L3MBTL4: variants seen among roughly 807,000 people sequenced by gnomAD.
L3MBTL4 encodes lethal(3)malignant brain tumor-like protein 4.
Under a neutral mutation model 84.5 loss-of-function variants are expected in L3MBTL4, and 70 were observed. The observed-to-expected ratio is 0.83, with a 90% confidence interval of 0.68 to 1.01. The LOEUF is 1.01. L3MBTL4 is among the 50% of genes least tolerant of loss of function. L3MBTL4 has a pLI of 0.00. For missense variants in L3MBTL4, 715 were observed against 754.8 expected (o/e 0.95, Z 0.62); for synonymous variants, 274 against 259.8 (o/e 1.05, Z -0.52).
chr18:5,956,127 G>A lies in L3MBTL4; in HGVS notation c.*93C>T, dbSNP rs1160925120. 26 of 1,029,660 alleles carry A rather than the reference G, an allele frequency of 2.5e-5. No individual in the cohort carries two copies. Among genetic ancestry groups the A allele is most frequent in the Non-Finnish European group, 3.5e-5 (24 of 686,120 alleles). 63.8% of individuals were successfully genotyped at this position (1,029,660 alleles called of 1,614,324 possible). ...AAAAGTCCAGATTCAGTGTGGATAC[G>A]GCCATGGGGACATTCACATCAAATT... On this transcript the variant is annotated 3_prime_UTR_variant, in exon 19 of 19. Transcript: ENST00000317931.
intron 16 of L3MBTL4, among the ~76,000 whole-genome samples, chr18:6,010,892 C>T (rs1349920839): frequency 6.6e-6 from 1 of 152,158 alleles, no homozygotes; most frequent in Non-Finnish European, 1.5e-5. Context: ...TCAAGAAGAA[C>T]ATTTCTTTAA....
intron 17 of L3MBTL4, among the ~76,000 whole-genome samples, chr18:5,969,074 C>T (rs2052499974): frequency 6.6e-6 from 1 of 152,210 alleles, no homozygotes; most frequent in East Asian, 1.9e-4. Context: ...CAAATTAAAT[C>T]TCTGATATGG....
At chr18:6,075,190 T>A (rs1176046920) in intron 16 of L3MBTL4, among the ~76,000 whole-genome samples, 1 of 152,054 alleles carries the variant, frequency 6.6e-6, no homozygotes, top group African/African-American at 2.4e-5. Context: ...AACAAGCTGA[T>A]AAGAAATGTA....
chr18:6,241,257 A>G, intron 8 of L3MBTL4, 101 bp downstream of exon 8: 1 of 729,238 alleles, frequency 1.4e-6, no homozygotes, highest in Non-Finnish European at 2.4e-6. Context: ...AACAGTTTCC[A>G]TAACTTCTTA....
At position 6,400,113 on chromosome 18, in the gene L3MBTL4, G is replaced by A. The variant is rs1024375699; in HGVS notation, c.-91+14688C>T. ...TATAGTGCTATAAAGAAATGTGGTC[G>A]AAAATTTAAAGTTAGGAAGTTCTGC... On this transcript the variant is annotated intron_variant, in intron 1 of 18. Coordinates refer to ENST00000317931, the MANE Select transcript of L3MBTL4 (RefSeq NM_001330559.2). Among the ~76,000 whole-genome samples the A allele has an allele frequency of 3.3e-5, 5 of 152,292 alleles. No homozygotes were observed. In the East Asian group the frequency reaches 5.8e-4, roughly 18 times the overall value.
intron 5 of L3MBTL4, among the ~76,000 whole-genome samples, chr18:6,261,689 T>C (rs769825735): frequency 6.6e-5 from 10 of 152,214 alleles, no homozygotes; most frequent in Non-Finnish European, 1.2e-4. Context: ...GTGTGTTCTT[T>C]TGGTCTTTTT....
chr18:5,958,145 G>GAAGAAGAAGAAGAAGAAC (rs1567912144), intron 18 of L3MBTL4, among the ~76,000 whole-genome samples: 1 of 71,038 alleles, frequency 1.4e-5, no homozygotes. Flanking sequence ...AGAAGAAGAA[G>GAAGAAGAAGAAGAAGAAC]AAGAAGAAGA....
At chr18:6,166,606 G>T (rs1253765961) in intron 13 of L3MBTL4, among the ~76,000 whole-genome samples, 1 of 152,042 alleles carries the variant, frequency 6.6e-6, no homozygotes, top group Non-Finnish European at 1.5e-5. Flanking sequence ...TGAAGGCAGA[G>T]ATAAAGATGT....
At chr18:6,397,139 G>A (rs564087784) in intron 1 of L3MBTL4, 1 of 152,312 alleles carries the variant, frequency 6.6e-6, no homozygotes, top group East Asian at 1.9e-4. Context: ...CGGCCGCACT[G>A]AGCAGACAGA....
intron 12 of L3MBTL4, among the ~76,000 whole-genome samples, chr18:6,175,871 A>C (rs1229441723): frequency 6.6e-6 from 1 of 152,174 alleles, no homozygotes; most frequent in Non-Finnish European, 1.5e-5. Flanking sequence ...AACTTGCAAA[A>C]TAAGTCAACA....
intron 16 of L3MBTL4, among the ~76,000 whole-genome samples, chr18:6,076,206 C>T (rs2057851631): frequency 1.3e-5 from 2 of 152,162 alleles, no homozygotes; most frequent in African/African-American, 2.4e-5. Context: ...CTAGTGGAAA[C>T]AGTGCAAAAC....
intron 4 of L3MBTL4, among the ~76,000 whole-genome samples, chr18:6,301,402 A>T (rs1354668728): frequency 6.6e-6 from 1 of 152,212 alleles, no homozygotes; most frequent in East Asian, 1.9e-4. Context: ...GTTGGTTTAA[A>T]TTTAAAGCAT....
rs1435406788 is a variant in L3MBTL4, at chr18:6,215,777, A to G, written c.843T>C (p.Asn281=). The change falls in exon 11 of 19, where the codon AAT becomes AAC. Residue 281 remains asparagine, a synonymous_variant. Coordinates refer to ENST00000317931, the MANE Select transcript of L3MBTL4 (RefSeq NM_001330559.2). ...WTEYLEATQT[N]AVPAKVFKMR... ...TTTTAAAAACTTTGGCAGGAACTGC[A>G]TTGGTTTGAGTAGCTTCCAGGTATT... 1.9e-6 allele frequency: 3 copies of G among 1,607,524 alleles called. No homozygotes were observed. The highest frequency in any genetic ancestry group is 4.5e-5 in the East Asian group (2 of 44,694).
intron 3 of L3MBTL4, among the ~76,000 whole-genome samples, chr18:6,303,003 G>C (rs567682390): frequency 6.6e-5 from 10 of 151,162 alleles, no homozygotes; most frequent in African/African-American, 2.2e-4. Flanking sequence ...AAAAAAAATT[G>C]TAATAATTAT....
chr18:6,384,187 T>C (rs765910391), intron 1 of L3MBTL4, among the ~76,000 whole-genome samples: 6 of 152,168 alleles, frequency 3.9e-5, no homozygotes, highest in Non-Finnish European at 8.8e-5. Context: ...CTTACCTGAG[T>C]AGGCAGAGGC....
intron 1 of L3MBTL4, among the ~76,000 whole-genome samples, chr18:6,340,536 G>A (rs1419035484): frequency 6.6e-6 from 1 of 152,124 alleles, no homozygotes; most frequent in Non-Finnish European, 1.5e-5. Context: ...ATATTGAGGG[G>A]ATGAGTACAA....
intron 14 of L3MBTL4, among the ~76,000 whole-genome samples, chr18:6,134,883 T>C (rs909677430): frequency 6.6e-6 from 1 of 152,178 alleles, no homozygotes; most frequent in Non-Finnish European, 1.5e-5. Context: ...ACAGCTCCAC[T>C]AGGCAGTGCC....
intron 13 of L3MBTL4, among the ~76,000 whole-genome samples, chr18:6,145,187 A>C (rs1276848601): frequency 1.3e-5 from 2 of 152,246 alleles, no homozygotes; most frequent in African/African-American, 4.8e-5. Context: ...TCGAGAAATA[A>C]AAGAGATTGT....
intron 16 of L3MBTL4, among the ~76,000 whole-genome samples, chr18:5,978,837 G>A (rs938087088): frequency 2.0e-5 from 3 of 152,208 alleles, no homozygotes; most frequent in East Asian, 3.8e-4. Context: ...CCAGGCCTAC[G>A]GTGGAGGGCA....
Sources: gnomAD v4.1 joint callset for allele counts (sites outside exome capture counted in the v4.1 genomes callset) on GRCh38, gnomAD v4.1.1 for gene constraint, MANE v1.5 for transcripts, NCBI Gene and HGNC (gene_info 2026-07-23, HGNC 2026-07-21) for gene names.